Variants in PRELID3A observed in about 807,000 individuals in gnomAD.
PRELID3A encodes the protein PRELI domain containing 3A.
In PRELID3A, 27 loss-of-function variants were observed where a neutral mutation model predicts 23.0. That is an observed-to-expected ratio of 1.17 (90% CI 0.87 to 1.62). PRELID3A has a LOEUF of 1.62. Among genes scored for constraint, PRELID3A ranks in the 40% most tolerant of loss-of-function variants. The pLI is 0.00. For missense variants in PRELID3A, 231 were observed against 231.4 expected, an observed-to-expected ratio of 1.00 and a Z score of 0.01; for synonymous variants, 87 against 86.4, an observed-to-expected ratio of 1.01 and a Z score of -0.04.
At position 12,427,216 on chromosome 18, in the gene PRELID3A, T is replaced by C; in HGVS notation, c.363-5T>C. The C allele has an allele frequency of 6.2e-7, 1 of 1,613,832 alleles. No individual in the cohort carries two copies. ...TCAGCCCCTTTTCTTCTTGCTCTTT[T>C]GCAGGACCGTGCTCACACAAGAAGC... On this transcript the variant is annotated splice_polypyrimidine_tract_variant and splice_region_variant and intron_variant, in intron 4 of 6. Coordinates refer to ENST00000440960, the MANE Select transcript of PRELID3A (RefSeq NM_001142405.2).
intron 5 of PRELID3A, 143 bp from the exon 6 acceptor site, chr18:12,429,206 GA>G: frequency 1.5e-6 from 1 of 678,888 alleles, no homozygotes; most frequent in South Asian, 1.7e-5. Context: ...CTGCCTGTGT[GA>G]AGATCACTCG....
At chr18:12,417,818 G>A (rs1405833787) in intron 1 of PRELID3A, among the ~76,000 whole-genome samples, 1 of 152,178 alleles carries the variant, frequency 6.6e-6, no homozygotes, top group Non-Finnish European at 1.5e-5. Flanking sequence ...GAGTGATCAG[G>A]ACCACCCAGT....
chr18:12,426,300 A>T (rs2030363487), intron 3 of PRELID3A, among the ~76,000 whole-genome samples: 4 of 151,638 alleles, frequency 2.6e-5, no homozygotes, highest in Non-Finnish European at 4.4e-5. Context: ...CACGCCTGTA[A>T]TCCCAGCACT....
intron 1 of PRELID3A, 84 bp from the exon 2 acceptor site, chr18:12,420,241 G>C: frequency 2.7e-6 from 4 of 1,497,480 alleles, no homozygotes; most frequent in Middle Eastern, 1.9e-4. Context: ...GCGTTGCCCA[G>C]GCCTGGCGGC....
At chr18:12,416,299 T>G (rs962043424) in intron 1 of PRELID3A, among the ~76,000 whole-genome samples, 1 of 152,058 alleles carries the variant, frequency 6.6e-6, no homozygotes, top group African/African-American at 2.4e-5. Context: ...TTTCTGGGTT[T>G]TTGTTGTTGT....
chr18:12,427,311 C>T lies in PRELID3A; in HGVS notation c.453C>T (p.Ser151=). The T allele has an allele frequency of 6.2e-7, 1 of 1,608,882 alleles. No homozygotes were observed. The highest frequency in any genetic ancestry group is 8.5e-7 in the Non-Finnish European group (1 of 1,175,266). Residue 151 remains serine (S), a synonymous_variant, in exon 5 of 7, where the codon TCC becomes TCT. Coordinates refer to ENST00000440960, the MANE Select transcript of PRELID3A (RefSeq NM_001142405.2). The part of the protein sequence containing the change: ...LESLMANTIS[S]NAKKGWAAIE... Reference sequence around the variant, plus strand: ...GTTTAATGGCCAATACGATATCATCCAATGCAAAGAAGGTATGTATCTCAA... The same window carrying T: ...GTTTAATGGCCAATACGATATCATCTAATGCAAAGAAGGTATGTATCTCAA...
At chr18:12,422,447 C>T (rs1332163808) in intron 3 of PRELID3A, 1 of 151,874 alleles carries the variant, frequency 6.6e-6, no homozygotes, top group Non-Finnish European at 1.5e-5. Flanking sequence ...CAACCTCCGC[C>T]CCCTGGTTTC....
At chr18:12,416,624 ATTTTC>A (rs1299519142) in intron 1 of PRELID3A, among the ~76,000 whole-genome samples, 11 of 144,510 alleles carry the variant, frequency 7.6e-5, no homozygotes, top group Middle Eastern at 3.7e-3. Flanking sequence ...AGACAAGGCT[ATTTTC>A]TTTTCTTTTC....
chr18:12,426,294 C>T lies in PRELID3A; in HGVS notation c.292-747C>T, dbSNP rs555342529. ...TATAGGCCGGGTGGAGTGGCTCACG[C>T]CTGTAATCCCAGCACTTTGGGAGGC... is the stretch of plus-strand genomic sequence containing the variant. On this transcript the variant is annotated intron_variant, in intron 3 of 6. Coordinates refer to ENST00000440960, the MANE Select transcript of PRELID3A (RefSeq NM_001142405.2). 1.7e-3 allele frequency among the ~76,000 whole-genome samples: 255 copies of T among 151,422 alleles called. 2 individuals carry two copies. The highest frequency in any genetic ancestry group is 7.9e-3 in the South Asian group (38 of 4,796).
At chr18:12,411,176 T>C (rs1186695892) in intron 1 of PRELID3A, among the ~76,000 whole-genome samples, 1 of 125,214 alleles carries the variant, frequency 8.0e-6, no homozygotes, top group Admixed American at 8.1e-5. Flanking sequence ...GAAAGTAGTT[T>C]AAATAAAATT....
intron 1 of PRELID3A, among the ~76,000 whole-genome samples, chr18:12,411,516 A>C (rs1429403516): frequency 6.6e-6 from 1 of 151,538 alleles, no homozygotes; most frequent in Non-Finnish European, 1.5e-5. Context: ...TCTTCCCAGC[A>C]TTGAGGTTTC....
intron 3 of PRELID3A, among the ~76,000 whole-genome samples, chr18:12,424,162 C>T (rs2030283398): frequency 6.6e-6 from 1 of 152,186 alleles, no homozygotes; most frequent in Non-Finnish European, 1.5e-5. Flanking sequence ...TTCCTGACAG[C>T]TTACGTATTA....
chr18:12,426,563 A>AAT lies in PRELID3A; in HGVS notation c.292-477_292-476insTA, dbSNP rs574093746. 3.4e-5 allele frequency among the ~76,000 whole-genome samples: 3 copies of AAT among 87,720 alleles called. 1 individual carries two copies. The highest frequency in any genetic ancestry group is 1.3e-4 in the African/African-American group (3 of 23,382). 57.5% of individuals were successfully genotyped at this position (87,720 alleles called of 152,430 possible). Reference sequence around the variant, plus strand: ...AGTGAGACTCCATCTCAAAAAAAAAAAAAGTATAAATATGTACATAAGGAG... The same window carrying AAT: ...AGTGAGACTCCATCTCAAAAAAAAAAATAAAGTATAAATATGTACATAAGGAG... On this transcript the variant is annotated intron_variant, in intron 3 of 6. Coordinates refer to ENST00000440960, the MANE Select transcript of PRELID3A (RefSeq NM_001142405.2).
chr18:12,429,523 A>G (rs2030497507), intron 6 of PRELID3A, 87 bp downstream of exon 6: 1 of 801,490 alleles, frequency 1.2e-6, no homozygotes, highest in Non-Finnish European at 2.0e-6. Flanking sequence ...GGACGCCAGA[A>G]GTACGCAGCT....
At chr18:12,411,706 A>G (rs1256205068) in intron 1 of PRELID3A, among the ~76,000 whole-genome samples, 1 of 152,086 alleles carries the variant, frequency 6.6e-6, no homozygotes. Context: ...CTTGCCTTAC[A>G]GCTAGGAGCA....
In PRELID3A at chr18:12,429,439, G is replaced by A. The variant is rs761049628; in HGVS notation, c.*33+3G>A. 1 of 1,593,064 alleles carries A rather than the reference G, an allele frequency of 6.3e-7. No homozygotes were observed. On this transcript the variant is annotated splice_donor_region_variant and intron_variant, in intron 6 of 6. Transcript: ENST00000440960. ...GCCTGTGCTTGTCATAAATGGTGGTGAGTACAGTATTCACTCACCTGGGGG... is the reference window on the plus strand; with the variant it reads ...GCCTGTGCTTGTCATAAATGGTGGTAAGTACAGTATTCACTCACCTGGGGG...
rs564725693 is a variant in PRELID3A, at chr18:12,414,335, A to T, written c.33-5990A>T. On this transcript the variant is annotated intron_variant, in intron 1 of 6. Coordinates refer to ENST00000440960, the MANE Select transcript of PRELID3A (RefSeq NM_001142405.2). ...CACAGCAGTGAGGACTGCGGTGACC[A>T]CATGCAATTTGGAGCCCTGCCTTGA... 2.0e-5 allele frequency among the ~76,000 whole-genome samples: 3 copies of T among 152,342 alleles called. No individual in the cohort carries two copies. In the East Asian group the frequency reaches 5.8e-4, roughly 29 times the overall value.
rs191096745 is a variant in PRELID3A, at chr18:12,412,059, C to T, written c.32+4052C>T. Among the ~76,000 whole-genome samples, 72 of 150,932 alleles carry T rather than the reference C, an allele frequency of 4.8e-4. No individual in the cohort carries two copies. The Middle Eastern group carries it at 0.011, about 22-fold the overall frequency. ...CAGAGTAGCTGGAACCACAGGCGCC[C>T]GCCACCACGCCTGACTACTTTTTTG... is the stretch of plus-strand genomic sequence containing the variant. On this transcript the variant is annotated intron_variant, in intron 1 of 6. Coordinates refer to ENST00000440960, the MANE Select transcript of PRELID3A (RefSeq NM_001142405.2).
Position 12,407,943 on chromosome 18 carries a change from G to T in PRELID3A, c.-33G>T. On this transcript the variant is annotated 5_prime_UTR_variant, in exon 1 of 7. Coordinates refer to ENST00000440960, the MANE Select transcript of PRELID3A (RefSeq NM_001142405.2). ...CCGCGCGGCCCGAAGCACCCGGCCCGGATCGCAGAGCCCGCGCCCTGCGCC... is the reference window on the plus strand; with the variant it reads ...CCGCGCGGCCCGAAGCACCCGGCCCTGATCGCAGAGCCCGCGCCCTGCGCC... The T allele has an allele frequency of 7.7e-7, 1 of 1,290,836 alleles. No homozygotes were observed. The highest frequency in any genetic ancestry group is 9.8e-7 in the Non-Finnish European group (1 of 1,022,336). 80.0% of individuals were successfully genotyped at this position (1,290,836 alleles called of 1,614,324 possible).
Sources: gnomAD v4.1 joint callset for allele counts (sites outside exome capture counted in the v4.1 genomes callset) on GRCh38, gnomAD v4.1.1 for gene constraint, MANE v1.5 for transcripts, NCBI Gene and HGNC (gene_info 2026-07-23, HGNC 2026-07-21) for gene names.